Variants in FRAS1 observed in about 807,000 individuals in gnomAD.
The protein encoded by FRAS1 is Fraser extracellular matrix complex subunit 1.
Under a neutral mutation model 435.2 loss-of-function variants are expected in FRAS1, and 290 were observed. The observed-to-expected ratio is 0.67, with a 90% confidence interval of 0.61 to 0.73. The LOEUF (loss-of-function observed/expected upper bound fraction) is 0.73. FRAS1 is among the 30% of genes least tolerant of loss of function. The pLI is 0.00. For missense variants in FRAS1, 4,860 were observed against 5,001.5 expected (o/e 0.97, Z 0.85); for synonymous variants, 1,800 against 1,851.0 (o/e 0.97, Z 0.71).
rs374464713 is a variant in FRAS1, at chr4:78,380,054, C to T, written c.3563+58C>T. The T allele has an allele frequency of 1.5e-5, 23 of 1,567,958 alleles. No homozygotes were observed. The East Asian group carries it at 4.9e-4, about 34-fold the overall frequency. On this transcript the variant is annotated intron_variant, in intron 27 of 73. Coordinates refer to ENST00000512123, the MANE Select transcript of FRAS1 (RefSeq NM_025074.7). The stretch of plus-strand genomic sequence containing the variant: ...TCCTTTCCATCATTGCTTTTCCACT[C>T]CTCCACCCTGTCCCAGCCTCTCTGT...
intron 2 of FRAS1, among the ~76,000 whole-genome samples, chr4:78,096,789 T>G (rs1741833793): frequency 6.6e-6 from 1 of 152,172 alleles, no homozygotes; most frequent in Admixed American, 6.5e-5. Context: ...CTCCTAGGCC[T>G]CTAGGCCTGT....
chr4:78,099,180 TG>T (rs1315933900), intron 2 of FRAS1, among the ~76,000 whole-genome samples: 7 of 152,210 alleles, frequency 4.6e-5, no homozygotes, highest in Non-Finnish European at 4.4e-5. Flanking sequence ...GAAGAGCTGG[TG>T]GCCTGTGCAT....
At chr4:78,438,545 T>C (rs1734519358) in intron 38 of FRAS1, 25 bp from the exon 39 acceptor site, 1 of 1,613,424 alleles carries the variant, frequency 6.2e-7, no homozygotes, top group East Asian at 2.2e-5. Context: ...TGCGTTCATG[T>C]CCTGCCTCAT....
chr4:78,480,898 G>A (rs79533280), intron 56 of FRAS1, among the ~76,000 whole-genome samples: 1,750 of 152,314 alleles, frequency 0.011, 30 homozygotes, highest in African/African-American at 0.041. Flanking sequence ...GCACCATACC[G>A]TGCATGTTCC....
intron 47 of FRAS1, among the ~76,000 whole-genome samples, chr4:78,458,064 G>A (rs940800069): frequency 2.0e-5 from 3 of 152,186 alleles, no homozygotes; most frequent in Admixed American, 6.5e-5. Flanking sequence ...AGGTCAAAGC[G>A]AGAACTTCCA....
chr4:78,365,681 A>T (rs1216379640), intron 22 of FRAS1, among the ~76,000 whole-genome samples: 1 of 151,022 alleles, frequency 6.6e-6, no homozygotes, highest in Non-Finnish European at 1.5e-5. Context: ...CTTAAATTTC[A>T]TTCTGAGATT....
intron 59 of FRAS1, among the ~76,000 whole-genome samples, chr4:78,492,228 A>G (rs1384489213): frequency 6.6e-6 from 1 of 152,224 alleles, no homozygotes; most frequent in Non-Finnish European, 1.5e-5. Flanking sequence ...GCCCAAAGTA[A>G]TTTATAGATT....
At chr4:78,521,195 A>G (rs1237288684) in intron 67 of FRAS1, among the ~76,000 whole-genome samples, 1 of 152,150 alleles carries the variant, frequency 6.6e-6, no homozygotes, top group African/African-American at 2.4e-5. Flanking sequence ...ATGTGCTGTA[A>G]CCATACCCTG....
intron 2 of FRAS1, chr4:78,072,068 G>A (rs928869758): frequency 1.3e-5 from 2 of 151,082 alleles, no homozygotes; most frequent in African/African-American, 4.9e-5. Context: ...CAATTGTTAT[G>A]GATCAATGCT....
In FRAS1 at chr4:78,379,310, T is replaced by C. The variant is rs138161797; in HGVS notation, c.3293-416T>C. On this transcript the variant is annotated intron_variant, in intron 26 of 73. Coordinates refer to ENST00000512123, the MANE Select transcript of FRAS1 (RefSeq NM_025074.7). Reference sequence around the variant, plus strand: ...GAATTGTTTTCTCACCTAAGCTTCTTTAAAAGAAGAAAGTAGCCATTAGCC... The same window carrying C: ...GAATTGTTTTCTCACCTAAGCTTCTCTAAAAGAAGAAAGTAGCCATTAGCC... 5.4e-3 allele frequency: 959 copies of C among 177,372 alleles called. 6 individuals carry two copies. The highest frequency in any genetic ancestry group is 7.9e-3 in the Middle Eastern group (3 of 382). 11.0% of individuals were successfully genotyped at this position (177,372 alleles called of 1,614,324 possible).
chr4:78,279,542 A>G (rs1727225050), intron 10 of FRAS1, among the ~76,000 whole-genome samples: 1 of 152,202 alleles, frequency 6.6e-6, no homozygotes, highest in South Asian at 2.1e-4. Flanking sequence ...CACATTTGGT[A>G]AAAAGTGAAC....
chr4:78,354,277 C>G (rs1443733889), intron 20 of FRAS1, among the ~76,000 whole-genome samples: 2 of 152,080 alleles, frequency 1.3e-5, no homozygotes, highest in East Asian at 3.9e-4. Context: ...ATTCTGTTGT[C>G]GTGTTTTATT....
chr4:78,201,743 C>T (rs921506391), intron 2 of FRAS1, among the ~76,000 whole-genome samples: 4 of 151,984 alleles, frequency 2.6e-5, no homozygotes, highest in African/African-American at 9.7e-5. Context: ...TTTAAGATGT[C>T]GCTGATGAGG....
At chr4:78,239,630 A>G (rs1724916874) in intron 3 of FRAS1, among the ~76,000 whole-genome samples, 1 of 152,082 alleles carries the variant, frequency 6.6e-6, no homozygotes, top group Admixed American at 6.6e-5. Context: ...TACCCCTCTA[A>G]TTAATATTCT....
At chr4:78,173,061 C>T (rs1307856592) in intron 2 of FRAS1, among the ~76,000 whole-genome samples, 3 of 152,166 alleles carry the variant, frequency 2.0e-5, no homozygotes, top group African/African-American at 7.2e-5. Flanking sequence ...CTCAGGTGTG[C>T]TCGAAAGGCT....
chr4:78,249,052 TATATATATATGC>T (rs1197529697), intron 4 of FRAS1, among the ~76,000 whole-genome samples: 4 of 94,948 alleles, frequency 4.2e-5, no homozygotes, highest in Non-Finnish European at 6.1e-5. Context: ...ACTACTGATA[TATATATATATGC>T]ATATATATAT....
chr4:78,153,821 C>G (rs556257320), intron 2 of FRAS1, among the ~76,000 whole-genome samples: 6 of 152,186 alleles, frequency 3.9e-5, no homozygotes, highest in Admixed American at 3.9e-4. Context: ...TAATTCTTCC[C>G]TTGTCATATT....
chr4:78,466,120 CT>C, intron 49 of FRAS1, 87 bp from the exon 50 acceptor site: 1 of 1,028,012 alleles, frequency 9.7e-7, no homozygotes, highest in Non-Finnish European at 1.5e-6. Flanking sequence ...TTGGGTTCTA[CT>C]ACCCTTGATC....
chr4:78,197,446 A>C (rs966451878), intron 2 of FRAS1, among the ~76,000 whole-genome samples: 8 of 152,202 alleles, frequency 5.3e-5, no homozygotes, highest in African/African-American at 1.9e-4. Flanking sequence ...CATCATCTTT[A>C]TTTCTCTGAG....
Sources: gnomAD v4.1 joint callset for allele counts (sites outside exome capture counted in the v4.1 genomes callset) on GRCh38, gnomAD v4.1.1 for gene constraint, MANE v1.5 for transcripts, NCBI Gene and HGNC (gene_info 2026-07-23, HGNC 2026-07-21) for gene names.